TLCD2: variants seen among roughly 807,000 people sequenced by gnomAD.
The protein encoded by TLCD2 is TLC domain-containing protein 2.
A neutral mutation model predicts 14.0 loss-of-function variants in TLCD2; 12 were observed. The observed-to-expected ratio is 0.86, with a 90% CI of 0.55 to 1.39. TLCD2 has a LOEUF of 1.39. TLCD2 is among the 40% of genes most tolerant of loss of function. The probability of loss-of-function intolerance (pLI) is 0.00; values close to 1 mark genes in which losing one functional copy is unlikely to be tolerated. For missense variants in TLCD2, 360 were observed against 346.8 expected (o/e 1.04, Z -0.30); for synonymous variants, 166 against 156.5 (o/e 1.06, Z -0.45).
At chr17:1,708,450 C>T (rs1003305117) in intron 3 of TLCD2, among the ~76,000 whole-genome samples, 2 of 150,934 alleles carry the variant, frequency 1.3e-5, no homozygotes, top group Non-Finnish European at 3.0e-5. Context: ...CCTAATACCC[C>T]CTTAACCTCC....
chr17:1,710,021 C>A lies in TLCD2; in HGVS notation c.176+46G>T. 6.6e-7 allele frequency: 1 copy of A among 1,526,164 alleles called. No individual in the cohort carries two copies. The highest frequency in any genetic ancestry group is 2.0e-5 in the Admixed American group (1 of 50,562). The allele number at this position is 1,526,164 out of a possible 1,614,324, so 94.5% of individuals were successfully genotyped here. ...GGCGGGTCTCCCGGCCTCAGCCTCC[C>A]ACCCCTCGCCCTCGCCCCGTGCGCC... On this transcript the variant is annotated intron_variant, in intron 1 of 3. Transcript: ENST00000330676. This position sits in a 1 kb window ranked among gnomAD's most constrained non-coding sequence, Gnocchi z 6.1.
At position 1,706,773 on chromosome 17, in the gene TLCD2, C is replaced by CAAAAAAAAAAAAAAAA. The variant is rs55703430; in HGVS notation, c.*981_*996dup. ...TGGGCAACAGAGCAAGAACTTGTCT[C>CAAAAAAAAAAAAAAAA]AAAAAAAAAAAAAAAAAAAGAAAAG... is the stretch of plus-strand genomic sequence containing the variant. On this transcript the variant is annotated 3_prime_UTR_variant, in exon 4 of 4. Transcript: ENST00000330676. 8 of 80,170 alleles carry CAAAAAAAAAAAAAAAA rather than the reference C, an allele frequency of 1.0e-4. No homozygotes were observed. The highest frequency in any genetic ancestry group is 1.2e-4 in the Non-Finnish European group (5 of 40,724). 5.0% of individuals were successfully genotyped at this position (80,170 alleles called of 1,614,324 possible).
intron 1 of TLCD2, 49 bp from the exon 2 acceptor site, chr17:1,709,935 A>T: frequency 6.6e-7 from 1 of 1,515,090 alleles, no homozygotes; most frequent in Non-Finnish European, 8.8e-7. Flanking sequence ...CAGCCTCTCG[A>T]GGCCCCGGCC....
rs1277090246 is a variant in TLCD2, at chr17:1,705,045, CTGTGATTCTCTT to C, written c.*2713_*2724del. On this transcript the variant is annotated 3_prime_UTR_variant, in exon 4 of 4. Transcript: ENST00000330676. ...TGTGCTCTCCTCCTTTTTTTTCTCT[CTGTGATTCTCTT>C]TGTCAGCTCCTTTGCCTATATTTGC... 1 of 152,022 alleles carries C rather than the reference CTGTGATTCTCTT, an allele frequency of 6.6e-6. No individual in the cohort carries two copies. The highest frequency in any genetic ancestry group is 1.9e-4 in the East Asian group (1 of 5,170). 9.4% of individuals were successfully genotyped at this position (152,022 alleles called of 1,614,324 possible).
Position 1,707,940 on chromosome 17 carries a change from T to G in TLCD2, c.625A>C (p.Thr209Pro). ...LVTLGGIGLV[T>P]VGIMSIILGI... is the part of the protein sequence containing the mutation. ...AATATGATGCTCATGATGCCCACAG[T>G]GACCAGCCCAATTCCACCCAGGGTG... The change falls in exon 4 of 4, where the codon ACT becomes CCT. Residue 209 changes from threonine to proline, a missense_variant. Physicochemically the swap from Thr to Pro is conservative, Grantham distance 38. Coordinates refer to ENST00000330676, the MANE Select transcript of TLCD2 (RefSeq NM_001164407.2). 2 of 1,537,306 alleles carry G rather than the reference T, an allele frequency of 1.3e-6. No individual in the cohort carries two copies. The highest frequency in any genetic ancestry group is 1.7e-6 in the Non-Finnish European group (2 of 1,146,922).
At position 1,705,961 on chromosome 17, in the gene TLCD2, T is replaced by C. The variant is rs1914019336; in HGVS notation, c.*1809A>G. 6.7e-6 allele frequency: 1 copy of C among 150,000 alleles called. No individual in the cohort carries two copies. The highest frequency in any genetic ancestry group is 2.1e-4 in the South Asian group (1 of 4,762). 9.3% of individuals were successfully genotyped at this position (150,000 alleles called of 1,614,324 possible). A position where few individuals can be genotyped will look rare whatever the true frequency, so the allele number is the denominator to read the frequency against. On this transcript the variant is annotated 3_prime_UTR_variant, in exon 4 of 4. Transcript: ENST00000330676. ...ACTTTATGAATGTATCTCAGAAAAG[T>C]CCCAGCTCTTCCTTTTTTTTTTTTC...
intron 3 of TLCD2, among the ~76,000 whole-genome samples, 169 bp from the exon 4 acceptor site, chr17:1,708,391 C>G (rs1427402643): frequency 1.3e-5 from 2 of 152,130 alleles, no homozygotes; most frequent in Admixed American, 1.3e-4. Flanking sequence ...TTGAAACAAC[C>G]CTTCCATAGA....
rs1364423508 is a variant in TLCD2 at position 1,710,129 on chromosome 17, C to A, written c.114G>T (p.Gln38His). ...CCAGGGAGACGCAGAGGTTCCACCACTGCCAGCGGTCCCGAGCGGCCGATT... is the reference window on the plus strand; with the variant it reads ...CCAGGGAGACGCAGAGGTTCCACCAATGCCAGCGGTCCCGAGCGGCCGATT... ...TPESAARDRW[Q>H]WWNLCVSLAH... Residue 38 changes from glutamine (Q) to histidine (H), a missense_variant, in exon 1 of 4, where the codon CAG (glutamine) becomes CAT (histidine). Coordinates refer to ENST00000330676, the MANE Select transcript of TLCD2 (RefSeq NM_001164407.2). This position sits in a 1 kb window ranked among gnomAD's most constrained non-coding sequence, Gnocchi z 6.1. 3.9e-6 allele frequency: 6 copies of A among 1,533,458 alleles called. No homozygotes were observed. The highest frequency in any genetic ancestry group is 1.4e-5 in the African/African-American group (1 of 72,910). 95.0% of individuals were successfully genotyped at this position (1,533,458 alleles called of 1,614,324 possible). A position where few individuals can be genotyped will look rare whatever the true frequency, so the allele number is the denominator to read the frequency against.
Position 1,710,141 on chromosome 17 carries a change from C to G in TLCD2, c.102G>C (p.Arg34=). The G allele has an allele frequency of 6.5e-7, 1 of 1,533,370 alleles. No homozygotes were observed. The highest frequency in any genetic ancestry group is 8.7e-7 in the Non-Finnish European group (1 of 1,146,284). 95.0% of individuals were successfully genotyped at this position (1,533,370 alleles called of 1,614,324 possible). The change falls in exon 1 of 4, where the codon CGG becomes CGC. Residue 34 remains arginine (R), a synonymous_variant. Transcript: ENST00000330676. This position sits in a 1 kb window ranked among gnomAD's most constrained non-coding sequence, Gnocchi z 6.1. ...RRLPTPESAA[R]DRWQWWNLCV... is the part of the protein sequence containing the mutation. Reference sequence around the variant, plus strand: ...AGAGGTTCCACCACTGCCAGCGGTCCCGAGCGGCCGATTCCGGCGTGGGCA... The same window carrying G: ...AGAGGTTCCACCACTGCCAGCGGTCGCGAGCGGCCGATTCCGGCGTGGGCA...
At chr17:1,708,646 C>G (rs192528840) in intron 3 of TLCD2, among the ~76,000 whole-genome samples, 1 of 152,166 alleles carries the variant, frequency 6.6e-6, no homozygotes, top group Admixed American at 6.5e-5. Flanking sequence ...GCCACCACAC[C>G]CAGGTAATTT....
Position 1,708,101 on chromosome 17 carries a change from C to A in TLCD2, c.464G>T (p.Arg155Leu). ...GCTGAAGGCCAGGGATGGGGCCTGG[C>A]GAGAAAGCAACAGCAGCTTCCGCAG... is the stretch of plus-strand genomic sequence containing the variant. ...LHLRKLLLLS[R>L]QAPSLAFSVT... The change falls in exon 4 of 4, where the codon CGC becomes CTC. Residue 155 changes from arginine to leucine, a missense_variant. Arg to Leu is a moderately radical substitution (Grantham distance 102, BLOSUM62 -2). Transcript: ENST00000330676. 1 of 1,537,052 alleles carries A rather than the reference C, an allele frequency of 6.5e-7. No individual in the cohort carries two copies. Among genetic ancestry groups the A allele is most frequent in the African/African-American group, 1.4e-5 (1 of 73,150 alleles).
At position 1,710,072 on chromosome 17, in the gene TLCD2, C is replaced by G. The variant is rs1914175525; in HGVS notation, c.171G>C (p.Leu57=). The change falls in exon 1 of 4, where the codon CTG becomes CTC. Residue 57 remains leucine (L), a synonymous_variant. Transcript: ENST00000330676. This position sits in a 1 kb window ranked among gnomAD's most constrained non-coding sequence, Gnocchi z 6.1. ...AHSLLSGTGA[L]LGLSLYPQMA... ...TCGAGCCCCCAAGCCCGCACCCGAGCAGCGCCCCGGTCCCCGAGAGCAGGC... is the reference window on the plus strand; with the variant it reads ...TCGAGCCCCCAAGCCCGCACCCGAGGAGCGCCCCGGTCCCCGAGAGCAGGC... The G allele has an allele frequency of 6.5e-7, 1 of 1,532,934 alleles. No individual in the cohort carries two copies. The highest frequency in any genetic ancestry group is 8.7e-7 in the Non-Finnish European group (1 of 1,146,206). The allele number at this position is 1,532,934 out of a possible 1,614,324, so 95.0% of individuals were successfully genotyped here.
chr17:1,704,889 T>TTTTTTTG lies in TLCD2; in HGVS notation c.*2880_*2881insCAAAAAA. On this transcript the variant is annotated 3_prime_UTR_variant, in exon 4 of 4. Transcript: ENST00000330676. ...CCCGGCCAATTTTTTGTATTTTTAG[T>TTTTTTTG]AGAGATGGTGTTTCACCATGTTAGC... The TTTTTTTG allele has an allele frequency of 6.6e-6, 1 of 151,206 alleles. No homozygotes were observed. The highest frequency in any genetic ancestry group is 2.1e-4 in the South Asian group (1 of 4,740). The allele number at this position is 151,206 out of a possible 1,614,324, so 9.4% of individuals were successfully genotyped here. A position where few individuals can be genotyped will look rare whatever the true frequency, so the allele number is the denominator to read the frequency against.
chr17:1,708,752 G>A (rs1914123819), intron 3 of TLCD2, among the ~76,000 whole-genome samples: 1 of 152,060 alleles, frequency 6.6e-6, no homozygotes, highest in South Asian at 2.1e-4. Context: ...CAGTGTGCTG[G>A]GATTATAGGC....
chr17:1,704,780 A>G lies in TLCD2; in HGVS notation c.*2990T>C, dbSNP rs967455227. 2 of 150,772 alleles carry G rather than the reference A, an allele frequency of 1.3e-5. No homozygotes were observed. The highest frequency in any genetic ancestry group is 4.9e-5 in the African/African-American group (2 of 40,964). 9.3% of individuals were successfully genotyped at this position (150,772 alleles called of 1,614,324 possible). A position where few individuals can be genotyped will look rare whatever the true frequency, so the allele number is the denominator to read the frequency against. On this transcript the variant is annotated 3_prime_UTR_variant, in exon 4 of 4. Coordinates refer to ENST00000330676, the MANE Select transcript of TLCD2 (RefSeq NM_001164407.2). ...TGCAGTGGCACTATCTCGGCTCATT[A>G]TAACAACCTCGGCCTCCCAGGTTCA...
rs1337252716 is a variant in TLCD2 at position 1,710,265 on chromosome 17, G to A, written c.-23C>T. 15 of 1,502,348 alleles carry A rather than the reference G, an allele frequency of 1.0e-5. No homozygotes were observed. The highest frequency in any genetic ancestry group is 1.1e-5 in the Non-Finnish European group (12 of 1,133,284). The allele number at this position is 1,502,348 out of a possible 1,614,324, so 93.1% of individuals were successfully genotyped here. Reference sequence around the variant, plus strand: ...CATGGCCTGGCGGTTGGGGGGTTGCGGGGAGTCCGGGTCGGTCCCCTCGGC... The same window carrying A: ...CATGGCCTGGCGGTTGGGGGGTTGCAGGGAGTCCGGGTCGGTCCCCTCGGC... On this transcript the variant is annotated 5_prime_UTR_variant, in exon 1 of 4. Coordinates refer to ENST00000330676, the MANE Select transcript of TLCD2 (RefSeq NM_001164407.2). The surrounding 1 kb of genome is among the most constrained non-coding windows in gnomAD (Gnocchi z 6.1).
intron 3 of TLCD2, 37 bp downstream of exon 3, chr17:1,709,462 C>A (rs1435228484): frequency 6.8e-7 from 1 of 1,476,678 alleles, no homozygotes; most frequent in South Asian, 1.2e-5. Context: ...GGCTCCCCTC[C>A]TCCCTTCCTG....
rs1221678767 is a variant in TLCD2 at position 1,707,757 on chromosome 17, C to A, written c.*13G>T. 2.7e-6 allele frequency: 4 copies of A among 1,474,828 alleles called. No individual in the cohort carries two copies. The South Asian group carries it at 5.4e-5, about 20-fold the overall frequency. 91.4% of individuals were successfully genotyped at this position (1,474,828 alleles called of 1,614,324 possible). A position where few individuals can be genotyped will look rare whatever the true frequency, so the allele number is the denominator to read the frequency against. On this transcript the variant is annotated 3_prime_UTR_variant, in exon 4 of 4. Transcript: ENST00000330676. ...GGCCCCACCTCCCCCAGCGAGGGGC[C>A]CATGGCTTCTCTCTAGTCTTTCAGG...
Position 1,710,072 on chromosome 17 carries a change from C to A in TLCD2, c.171G>T (p.Leu57=). 2 of 1,532,934 alleles carry A rather than the reference C, an allele frequency of 1.3e-6. No individual in the cohort carries two copies. Among genetic ancestry groups the A allele is most frequent in the Non-Finnish European group, 1.7e-6 (2 of 1,146,206 alleles). The allele number at this position is 1,532,934 out of a possible 1,614,324, so 95.0% of individuals were successfully genotyped here. A position where few individuals can be genotyped will look rare whatever the true frequency, so the allele number is the denominator to read the frequency against. ...AHSLLSGTGA[L]LGLSLYPQMA... ...TCGAGCCCCCAAGCCCGCACCCGAG[C>A]AGCGCCCCGGTCCCCGAGAGCAGGC... is the stretch of plus-strand genomic sequence containing the variant. Residue 57 remains leucine (L), a synonymous_variant, in exon 1 of 4, where the codon CTG becomes CTT. Transcript: ENST00000330676. This position sits in a 1 kb window ranked among gnomAD's most constrained non-coding sequence, Gnocchi z 6.1.
Sources: gnomAD v4.1 joint callset for allele counts (sites outside exome capture counted in the v4.1 genomes callset) on GRCh38, gnomAD v4.1.1 for gene constraint, Gnocchi (gnomAD v3.1) non-coding constraint, MANE v1.5 for transcripts, NCBI Gene and HGNC (gene_info 2026-07-23, HGNC 2026-07-21) for gene names.